Variants in NRG1 observed in about 807,000 individuals in gnomAD.
NRG1 encodes the protein pro-neuregulin-1, membrane-bound isoform.
NRG1 carries 18 observed loss-of-function variants against 63.8 expected under a neutral mutation model. That is an observed-to-expected ratio of 0.28 (90% confidence interval 0.19 to 0.42). The LOEUF (loss-of-function observed/expected upper bound fraction) is 0.42, where lower values mean the gene tolerates loss of function less well. Ranked by LOEUF, NRG1 falls within the 10% of genes least tolerant of loss-of-function variation. NRG1 has a pLI of 1.00. For missense variants in NRG1, 762 were observed against 814.7 expected (o/e 0.94, Z 0.79); for synonymous variants, 302 against 301.3 (o/e 1.00, Z -0.02).
At chr8:32,037,795 G>A (rs1819313881) in intron 1 of NRG1, among the ~76,000 whole-genome samples, 1 of 152,202 alleles carries the variant, frequency 6.6e-6, no homozygotes, top group East Asian at 1.9e-4. Flanking sequence ...GGGAAAAACG[G>A]CTGACTGGAG....
intron 1 of NRG1, among the ~76,000 whole-genome samples, chr8:32,311,474 C>T (rs1364016998): frequency 6.6e-6 from 1 of 152,040 alleles, no homozygotes; most frequent in East Asian, 1.9e-4. Flanking sequence ...GGAGGAAATG[C>T]AAGCACAAGG....
At chr8:32,589,605 G>A (rs918066511) in intron 1 of NRG1, among the ~76,000 whole-genome samples, 2 of 152,226 alleles carry the variant, frequency 1.3e-5, no homozygotes, top group African/African-American at 4.8e-5. Context: ...GGAGAGTAAA[G>A]ATATGAGCTA....
rs565343946 is a variant in NRG1, at chr8:31,864,325, A to G, written c.37+224894A>G. On this transcript the variant is annotated intron_variant, in intron 1 of 10. Transcript: ENST00000519301. Reference sequence around the variant, plus strand: ...TTACCTCTTAGTGCAGTAGAGACACAGTAATCCAATCATCACACAAGACAT... The same window carrying G: ...TTACCTCTTAGTGCAGTAGAGACACGGTAATCCAATCATCACACAAGACAT... Among the ~76,000 whole-genome samples, 10 of 152,320 alleles carry G rather than the reference A, an allele frequency of 6.6e-5. No individual in the cohort carries two copies. In the South Asian group the frequency reaches 1.7e-3, roughly 25 times the overall value.
intron 1 of NRG1, among the ~76,000 whole-genome samples, chr8:32,246,076 T>C (rs957300370): frequency 2.4e-4 from 36 of 152,268 alleles, no homozygotes; most frequent in Non-Finnish European, 2.8e-4. Context: ...TTATTGAACC[T>C]ATGCAAATAA....
intron 1 of NRG1, among the ~76,000 whole-genome samples, chr8:32,094,436 A>G (rs1829618162): frequency 6.6e-6 from 1 of 152,128 alleles, no homozygotes; most frequent in Non-Finnish European, 1.5e-5. Context: ...TTTGACAAGG[A>G]CCTTGTTATC....
chr8:32,670,022 A>G (rs1026376385), intron 5 of NRG1, among the ~76,000 whole-genome samples: 2 of 152,198 alleles, frequency 1.3e-5, no homozygotes, highest in Non-Finnish European at 2.9e-5. Context: ...AAAATTTAAC[A>G]TCATGTGCAT....
At chr8:31,816,096 A>T (rs1343671230) in intron 1 of NRG1, among the ~76,000 whole-genome samples, 1 of 152,204 alleles carries the variant, frequency 6.6e-6, no homozygotes, top group Non-Finnish European at 1.5e-5. Context: ...CTTTGATGGC[A>T]CTAAAGCTAC....
chr8:31,727,882 G>A (rs13257420), intron 1 of NRG1, among the ~76,000 whole-genome samples: 43,480 of 151,854 alleles, frequency 0.29, 7,232 homozygotes, highest in Non-Finnish European at 0.36. Context: ...CTTGTACTTC[G>A]AGGCCATCAT....
At chr8:31,856,719 C>T (rs1395966108) in intron 1 of NRG1, among the ~76,000 whole-genome samples, 1 of 152,138 alleles carries the variant, frequency 6.6e-6, no homozygotes, top group Non-Finnish European at 1.5e-5. Flanking sequence ...TTTTTCTGCT[C>T]TGTTTTTTCC....
At chr8:32,223,428 C>T (rs934152935) in intron 1 of NRG1, among the ~76,000 whole-genome samples, 1 of 152,072 alleles carries the variant, frequency 6.6e-6, no homozygotes, top group Non-Finnish European at 1.5e-5. Context: ...TTAGGTGATG[C>T]TATTCAATGG....
At chr8:32,602,427 A>G (rs957572627) in intron 2 of NRG1, among the ~76,000 whole-genome samples, 5 of 152,108 alleles carry the variant, frequency 3.3e-5, no homozygotes, top group Non-Finnish European at 5.9e-5. Flanking sequence ...ATCTAGTTCA[A>G]TAGTTAAAAT....
At chr8:32,161,772 C>T (rs4733303) in intron 1 of NRG1, among the ~76,000 whole-genome samples, 77,471 of 152,038 alleles carry the variant, frequency 0.51, 20,673 homozygotes, top group Admixed American at 0.6. Context: ...GATGGCTCCT[C>T]CATTTTCAAT....
chr8:31,991,437 A>G (rs897791290), intron 1 of NRG1, among the ~76,000 whole-genome samples: 1 of 149,648 alleles, frequency 6.7e-6, no homozygotes, highest in African/African-American at 2.5e-5. Flanking sequence ...CATCATCATT[A>G]TCATTTCAGT....
chr8:31,791,285 A>G (rs1820683961), intron 1 of NRG1, among the ~76,000 whole-genome samples: 2 of 152,074 alleles, frequency 1.3e-5, no homozygotes, highest in Admixed American at 6.6e-5. Context: ...AACTCAGATC[A>G]GTTGATAGTA....
intron 1 of NRG1, among the ~76,000 whole-genome samples, chr8:31,703,137 T>C (rs1206552047): frequency 6.7e-6 from 1 of 149,220 alleles, no homozygotes; most frequent in African/African-American, 2.5e-5. Context: ...TATAAATAGA[T>C]CTAAGAACCT....
At chr8:31,915,054 T>G (rs1225835156) in intron 1 of NRG1, among the ~76,000 whole-genome samples, 1 of 127,622 alleles carries the variant, frequency 7.8e-6, no homozygotes. Context: ...ATTTTCAAAG[T>G]CAATTTTGTT....
chr8:31,788,851 T>G (rs899774029), intron 1 of NRG1, among the ~76,000 whole-genome samples: 1 of 152,222 alleles, frequency 6.6e-6, no homozygotes, highest in Non-Finnish European at 1.5e-5. Context: ...GGAGACATAA[T>G]TTAAGCTTTA....
intron 1 of NRG1, among the ~76,000 whole-genome samples, chr8:31,667,897 G>A (rs1052005564): frequency 2.0e-5 from 3 of 152,198 alleles, no homozygotes; most frequent in East Asian, 1.9e-4. Context: ...CTATTTTCTC[G>A]CTGGAGACAG....
intron 1 of NRG1, among the ~76,000 whole-genome samples, chr8:32,072,997 A>C: frequency 1.5e-5 from 1 of 67,760 alleles, no homozygotes; most frequent in East Asian, 5.2e-4. Flanking sequence ...AGTGTCTGGC[A>C]TCAGGTCTGG....
Sources: gnomAD v4.1 joint callset for allele counts (sites outside exome capture counted in the v4.1 genomes callset) on GRCh38, gnomAD v4.1.1 for gene constraint, MANE v1.5 for transcripts, NCBI Gene and HGNC (gene_info 2026-07-23, HGNC 2026-07-21) for gene names.